Variants in MAML3 observed in about 807,000 individuals in gnomAD.
The protein encoded by MAML3 is mastermind like transcriptional coactivator 3, also known as mastermind-like protein 3.
A neutral mutation model predicts 101.9 loss-of-function variants in MAML3; 27 were observed. That is an observed-to-expected ratio of 0.27 (90% confidence interval 0.20 to 0.37). The LOEUF (loss-of-function observed/expected upper bound fraction) is 0.37, where lower values mean the gene tolerates loss of function less well. Ranked by LOEUF, MAML3 falls within the 10% of genes least tolerant of loss-of-function variation. MAML3 has a pLI of 1.00. For synonymous variants in MAML3, 501 were observed against 555.9 expected, an observed-to-expected ratio of 0.90 and a Z score of 1.39; for missense variants, 1,316 against 1,444.9, an observed-to-expected ratio of 0.91 and a Z score of 1.45.
chr4:139,913,931 T>G lies in MAML3; in HGVS notation c.469-22964A>C, dbSNP rs191178589. On this transcript the variant is annotated intron_variant, in intron 1 of 4. Transcript: ENST00000509479. ...CTTTTGTTAAAATTCACCTTCATCCTAGTAAAAGAGGAGGAAAAGAGTTGT... is the reference window on the plus strand; with the variant it reads ...CTTTTGTTAAAATTCACCTTCATCCGAGTAAAAGAGGAGGAAAAGAGTTGT... Among the ~76,000 whole-genome samples the G allele has an allele frequency of 6.0e-4, 91 of 152,284 alleles. 1 individual carries two copies. Among genetic ancestry groups the G allele is most frequent in the African/African-American group, 2.1e-3 (87 of 41,568 alleles).
intron 1 of MAML3, among the ~76,000 whole-genome samples, chr4:140,020,586 T>TTTGTAAAC (rs1726716759): frequency 2.6e-5 from 4 of 152,186 alleles, no homozygotes; most frequent in Non-Finnish European, 5.9e-5. Flanking sequence ...CATCAAACTC[T>TTTGTAAAC]CTTTGTTTAG....
intron 2 of MAML3, among the ~76,000 whole-genome samples, chr4:139,888,161 A>G (rs13121182): frequency 0.3 from 45,929 of 151,954 alleles, 8,479 homozygotes; most frequent in Non-Finnish European, 0.42. Context: ...CTGCAGCTCC[A>G]TCAAGCTTGG....
chr4:139,934,180 G>GA (rs1733460813), intron 1 of MAML3, among the ~76,000 whole-genome samples: 1 of 151,990 alleles, frequency 6.6e-6, no homozygotes, highest in South Asian at 2.1e-4. Context: ...GTGCATGTCT[G>GA]AGTGTGTGTG....
At chr4:139,987,264 G>A (rs1355793627) in intron 1 of MAML3, among the ~76,000 whole-genome samples, 2 of 152,152 alleles carry the variant, frequency 1.3e-5, no homozygotes, top group African/African-American at 2.4e-5. Flanking sequence ...GGCATCATAC[G>A]ACGTCTCCTG....
At chr4:139,934,965 A>G (rs17005261) in intron 1 of MAML3, among the ~76,000 whole-genome samples, 5,604 of 152,250 alleles carry the variant, frequency 0.037, 375 homozygotes, top group African/African-American at 0.13. Flanking sequence ...CCTAATCTAC[A>G]GAACAGGCAC....
intron 2 of MAML3, chr4:139,740,539 T>A (rs72946561): frequency 1.3e-5 from 2 of 152,126 alleles, no homozygotes; most frequent in Admixed American, 6.5e-5. Context: ...AGGGAGATTT[T>A]TTTCCCCCTC....
intron 2 of MAML3, among the ~76,000 whole-genome samples, chr4:139,876,459 G>T (rs947034983): frequency 2.0e-5 from 3 of 152,122 alleles, no homozygotes; most frequent in African/African-American, 7.2e-5. Flanking sequence ...TTACCAATGG[G>T]TGATATTGAA....
At chr4:139,975,486 T>C (rs1025062195) in intron 1 of MAML3, among the ~76,000 whole-genome samples, 3 of 152,158 alleles carry the variant, frequency 2.0e-5, no homozygotes, top group Admixed American at 6.6e-5. Context: ...TTATCTCCCT[T>C]CCCTGCTCTA....
intron 1 of MAML3, among the ~76,000 whole-genome samples, chr4:140,012,012 A>C (rs1726572031): frequency 7.1e-6 from 1 of 141,382 alleles, no homozygotes. Flanking sequence ...TCTAAATCTC[A>C]AAAAAAAAAA....
At chr4:140,119,601 C>T (rs55924270) in intron 1 of MAML3, among the ~76,000 whole-genome samples, 10 of 55,834 alleles carry the variant, frequency 1.8e-4, no homozygotes, top group African/African-American at 8.6e-4. Context: ...CCCCCTCCCT[C>T]CCTCCCTCCC....
rs867307065 is a variant in MAML3 at position 139,913,739 on chromosome 4, C to T, written c.469-22772G>A. Among the ~76,000 whole-genome samples, 7 of 152,196 alleles carry T rather than the reference C, an allele frequency of 4.6e-5. No homozygotes were observed. The East Asian group carries it at 7.7e-4, about 17-fold the overall frequency. On this transcript the variant is annotated intron_variant, in intron 1 of 4. Transcript: ENST00000509479. Reference sequence around the variant, plus strand: ...CATCTTAACAGAAGACTACGGCGGGCGCCCCTTGGAAGGGTAGCTCAGCTA... The same window carrying T: ...CATCTTAACAGAAGACTACGGCGGGTGCCCCTTGGAAGGGTAGCTCAGCTA...
At chr4:140,120,062 C>T (rs1463650202) in intron 1 of MAML3, among the ~76,000 whole-genome samples, 3 of 151,596 alleles carry the variant, frequency 2.0e-5, no homozygotes, top group Admixed American at 6.6e-5. Context: ...ACGGTGAAAC[C>T]CCGTCTCTAC....
rs775616443 is a variant in MAML3 at position 140,150,810 on chromosome 4, G to C, written c.468+2050C>G. ...GGAGAAAGGGACCGGAGCTACAGTC[G>C]AGATGCGGGACCGGCCCCGCCTCCG... On this transcript the variant is annotated intron_variant, in intron 1 of 4. Coordinates refer to ENST00000509479, the MANE Select transcript of MAML3 (RefSeq NM_018717.5). Among the ~76,000 whole-genome samples, 3 of 152,166 alleles carry C rather than the reference G, an allele frequency of 2.0e-5. 1 individual carries two copies. Among genetic ancestry groups the C allele is most frequent in the African/African-American group, 7.2e-5 (3 of 41,436 alleles).
chr4:140,016,720 C>A (rs1336547512), intron 1 of MAML3, among the ~76,000 whole-genome samples: 5 of 152,192 alleles, frequency 3.3e-5, no homozygotes, highest in Admixed American at 3.3e-4. Flanking sequence ...GCCAGAGCAA[C>A]TAAACATTCA....
chr4:140,064,392 G>C (rs1727496631), intron 1 of MAML3, among the ~76,000 whole-genome samples: 1 of 152,174 alleles, frequency 6.6e-6, no homozygotes, highest in East Asian at 1.9e-4. Flanking sequence ...AAAGCCTTTT[G>C]CGTTTTGATA....
Position 140,036,024 on chromosome 4 carries a change from T to C in MAML3, c.468+116836A>G, listed in dbSNP as rs151259401. The stretch of plus-strand genomic sequence containing the variant: ...AACAAAGCATATCCACGAAAGGGAA[T>C]AGATTATACAGGAAAGTAAGGATTA... On this transcript the variant is annotated intron_variant, in intron 1 of 4. Coordinates refer to ENST00000509479, the MANE Select transcript of MAML3 (RefSeq NM_018717.5). Among the ~76,000 whole-genome samples, 113 of 152,304 alleles carry C rather than the reference T, an allele frequency of 7.4e-4. No homozygotes were observed. In the Middle Eastern group the frequency reaches 0.017, roughly 23 times the overall value.
chr4:139,758,781 A>T (rs1729701257), intron 2 of MAML3, among the ~76,000 whole-genome samples: 1 of 152,212 alleles, frequency 6.6e-6, no homozygotes, highest in Non-Finnish European at 1.5e-5. Context: ...TACTAGTCAC[A>T]TCTTCCTCAA....
At position 140,135,701 on chromosome 4, in the gene MAML3, C is replaced by T. The variant is rs547598900; in HGVS notation, c.468+17159G>A. 1.9e-4 allele frequency among the ~76,000 whole-genome samples: 29 copies of T among 152,324 alleles called. No homozygotes were observed. In the South Asian group the frequency reaches 5.6e-3, roughly 29 times the overall value. On this transcript the variant is annotated intron_variant, in intron 1 of 4. Coordinates refer to ENST00000509479, the MANE Select transcript of MAML3 (RefSeq NM_018717.5). ...GAGTTCCCCAAACAAAAGCCAGCCA[C>T]GGAGTTCAACAACTGGCTTGCCATG...
intron 1 of MAML3, among the ~76,000 whole-genome samples, chr4:140,107,336 A>G (rs1728368380): frequency 1.3e-5 from 2 of 152,188 alleles, no homozygotes; most frequent in South Asian, 4.1e-4. Flanking sequence ...TCTAGTTTTC[A>G]ATCAGTTACT....
Sources: allele counts gnomAD v4.1 joint callset (sites outside exome capture counted in the v4.1 genomes callset), GRCh38; gene constraint gnomAD v4.1.1; transcripts MANE v1.5; gene names NCBI Gene and HGNC (gene_info 2026-07-23, HGNC 2026-07-21).